TRIP11: variants seen among roughly 807,000 people sequenced by gnomAD.
TRIP11 encodes the protein thyroid receptor-interacting protein 11.
TRIP11 carries 148 observed loss-of-function variants against 223.1 expected under a neutral mutation model. The observed-to-expected ratio is 0.66, with a 90% CI of 0.58 to 0.76. The LOEUF (loss-of-function observed/expected upper bound fraction) is 0.76, where lower values mean the gene tolerates loss of function less well. Among genes scored for constraint, TRIP11 ranks in the 30% least tolerant of loss-of-function variants. The pLI is 0.00. For synonymous variants in TRIP11, 762 were observed against 772.6 expected, an observed-to-expected ratio of 0.99 and a Z score of 0.23; for missense variants, 2,043 against 2,222.0, an observed-to-expected ratio of 0.92 and a Z score of 1.62.
At position 92,021,697 on chromosome 14, in the gene TRIP11, C is replaced by T. The variant is rs1456816695; in HGVS notation, c.447G>A (p.Gly149=). 2 of 1,612,456 alleles carry T rather than the reference C, an allele frequency of 1.2e-6. No homozygotes were observed. Among genetic ancestry groups the T allele is most frequent in the African/African-American group, 1.3e-5 (1 of 74,904 alleles). Residue 149 remains glycine (G), a synonymous_variant, in exon 4 of 21, where the codon GGG becomes GGA. Transcript: ENST00000267622. ...ATTASSSFAY[G]ISHHPSAFHD... is the part of the protein sequence containing the mutation. Reference sequence around the variant, plus strand: ...GGAAAGCTGAAGGATGATGACTAATCCCATAAGCGAATGAAGATGATGCAG... The same window carrying T: ...GGAAAGCTGAAGGATGATGACTAATTCCATAAGCGAATGAAGATGATGCAG...
chr14:92,012,278 T>C (rs1183136475), intron 7 of TRIP11, among the ~76,000 whole-genome samples: 1 of 152,200 alleles, frequency 6.6e-6, no homozygotes, highest in Non-Finnish European at 1.5e-5. Context: ...AATTTGGTAT[T>C]ATAGATAGAT....
chr14:91,980,985 G>C (rs2056530744), intron 16 of TRIP11, among the ~76,000 whole-genome samples: 1 of 117,926 alleles, frequency 8.5e-6, no homozygotes, highest in Non-Finnish European at 1.7e-5. Flanking sequence ...AATTTTATAT[G>C]TATATTATAT....
intron 7 of TRIP11, among the ~76,000 whole-genome samples, chr14:92,013,665 T>C (rs17733979): frequency 0.23 from 34,843 of 152,176 alleles, 4,095 homozygotes; most frequent in East Asian, 0.34. Context: ...CCCAATATGA[T>C]AAGTAAGTAA....
chr14:92,028,046 T>C (rs1480909154), intron 2 of TRIP11, among the ~76,000 whole-genome samples: 1 of 152,264 alleles, frequency 6.6e-6, no homozygotes, highest in Non-Finnish European at 1.5e-5. Context: ...CATGACTTTC[T>C]GTAAGCTGTT....
intron 14 of TRIP11, among the ~76,000 whole-genome samples, chr14:91,994,230 C>T (rs1351033883): frequency 2.0e-5 from 3 of 150,468 alleles, no homozygotes; most frequent in African/African-American, 7.3e-5. Flanking sequence ...CTAATAATTA[C>T]ATTATACTGT....
At position 92,005,866 on chromosome 14, in the gene TRIP11, A is replaced by C. The variant is rs2056894726; in HGVS notation, c.2110T>G (p.Ser704Ala). ...EECLAGNNQL[S>A]LEKNTIVETL... ...TCCACAATAGTGTTTTTTTCCAGAGAAAGCTGATTGTTACCAGCAAGACAT... is the reference window on the plus strand; with the variant it reads ...TCCACAATAGTGTTTTTTTCCAGAGCAAGCTGATTGTTACCAGCAAGACAT... The change falls in exon 11 of 21, where the codon TCT becomes GCT. Residue 704 changes from serine (S) to alanine (A), a missense_variant. Physicochemically the swap from Ser to Ala is moderately conservative, Grantham distance 99 (BLOSUM62 1). Coordinates refer to ENST00000267622, the MANE Select transcript of TRIP11 (RefSeq NM_004239.4). The C allele has an allele frequency of 6.2e-7, 1 of 1,614,036 alleles. No individual in the cohort carries two copies. The highest frequency in any genetic ancestry group is 8.5e-7 in the Non-Finnish European group (1 of 1,180,006).
chr14:92,025,543 G>A (rs1342074696), intron 2 of TRIP11, 123 bp from the exon 3 acceptor site: 12 of 698,608 alleles, frequency 1.7e-5, no homozygotes, highest in East Asian at 2.8e-5. Flanking sequence ...AAAAGGTCTC[G>A]GACAGAATTC....
intron 7 of TRIP11, among the ~76,000 whole-genome samples, chr14:92,013,677 T>C (rs1223330492): frequency 6.6e-6 from 1 of 152,378 alleles, no homozygotes; most frequent in South Asian, 2.1e-4. Context: ...AGTAAGTAAA[T>C]GTATTAGTCT....
chr14:92,021,520 CAA>C, intron 4 of TRIP11, 34 bp downstream of exon 4: 1 of 1,610,316 alleles, frequency 6.2e-7, no homozygotes. Flanking sequence ...TAATTTTACT[CAA>C]AGTTTTCAAA....
At position 92,038,687 on chromosome 14, in the gene TRIP11, T is replaced by C. The variant is rs184457061; in HGVS notation, c.139+860A>G. Among the ~76,000 whole-genome samples, 38 of 152,102 alleles carry C rather than the reference T, an allele frequency of 2.5e-4. No homozygotes were observed. In the South Asian group the frequency reaches 3.5e-3, roughly 14 times the overall value. ...TTAAATTTATTTATAAGAAATACAATTGTCAAAGCAGCAGCTCTCACCCAA... is the reference window on the plus strand; with the variant it reads ...TTAAATTTATTTATAAGAAATACAACTGTCAAAGCAGCAGCTCTCACCCAA... On this transcript the variant is annotated intron_variant, in intron 1 of 20. Coordinates refer to ENST00000267622, the MANE Select transcript of TRIP11 (RefSeq NM_004239.4).
chr14:92,003,355 A>G, intron 11 of TRIP11, 64 bp downstream of exon 11: 2 of 1,589,566 alleles, frequency 1.3e-6, no homozygotes, highest in Non-Finnish European at 1.7e-6. Context: ...TATAAATGAA[A>G]TAACATTAAA....
intron 13 of TRIP11, among the ~76,000 whole-genome samples, 163 bp from the exon 14 acceptor site, chr14:91,995,678 CA>C (rs1464312887): frequency 6.6e-6 from 1 of 150,928 alleles, no homozygotes; most frequent in East Asian, 1.9e-4. Context: ...TGCAGTGGCA[CA>C]ATCTCAGCTC....
rs372272441 is a variant in TRIP11 at position 92,003,533 on chromosome 14, C to T, written c.4443G>A (p.Ala1481=). 1.2e-4 allele frequency: 201 copies of T among 1,613,924 alleles called. 1 individual carries two copies. The highest frequency in any genetic ancestry group is 2.0e-4 in the South Asian group (18 of 91,086). ...AAAACTTCATGTTAGTCTCTTGTAA[C>T]GCTTGATATTCTGTTTCCTTTCCCC... ...TYRGKETEYQ[A]LQETNMKFSM... The change falls in exon 11 of 21, where the codon GCG becomes GCA. Residue 1481 remains alanine (A), a synonymous_variant. Transcript: ENST00000267622.
Position 92,007,781 on chromosome 14 carries a change from G to C in TRIP11, c.1386C>G (p.Asp462Glu), listed in dbSNP as rs773296347. The change falls in exon 10 of 21, where the codon GAC becomes GAG. Residue 462 changes from aspartate to glutamate, a missense_variant. Transcript: ENST00000267622. ...CATGTAATTCTGAATCCAAACTTAT[G>C]TCTCTTGTAGCTGTACTTTTAATTA... ...YEVIKSTATR[D>E]ISLDSELHDL... The C allele has an allele frequency of 3.2e-5, 51 of 1,613,428 alleles. No homozygotes were observed. Among genetic ancestry groups the C allele is most frequent in the Non-Finnish European group, 3.8e-5 (45 of 1,179,906 alleles).
intron 2 of TRIP11, among the ~76,000 whole-genome samples, chr14:92,025,721 C>CA (rs1328715071): frequency 3.3e-5 from 5 of 150,590 alleles, no homozygotes; most frequent in East Asian, 1.9e-4. Flanking sequence ...TACTAAAATA[C>CA]AAAAAAAAAT....
At chr14:91,971,505 G>GGGAAAGGTA (rs2056400058) in intron 20 of TRIP11, among the ~76,000 whole-genome samples, 1 of 150,774 alleles carries the variant, frequency 6.6e-6, no homozygotes, top group African/African-American at 2.5e-5. Flanking sequence ...TACAAGAAAG[G>GGGAAAGGTA]GGAAAGGTAG....
chr14:91,981,012 ATTTTTTTTTTTTT>A (rs564098716), intron 16 of TRIP11, among the ~76,000 whole-genome samples: 1,039 of 49,932 alleles, frequency 0.021, 15 homozygotes, highest in African/African-American at 0.064. Context: ...ATATATATAT[ATTTTTTTTTTTTT>A]TTTTTTTTTT....
rs2056976432 is a variant in TRIP11 at position 92,011,750 on chromosome 14, T to G, written c.1227+5A>C. 2 of 1,610,958 alleles carry G rather than the reference T, an allele frequency of 1.2e-6. No individual in the cohort carries two copies. Among genetic ancestry groups the G allele is most frequent in the Non-Finnish European group, 1.7e-6 (2 of 1,178,764 alleles). Reference sequence around the variant, plus strand: ...TGCACATAACATTTGTCAAAATTAATTTACCTGGTTTAAACTACTCAATCT... The same window carrying G: ...TGCACATAACATTTGTCAAAATTAAGTTACCTGGTTTAAACTACTCAATCT... On this transcript the variant is annotated splice_donor_5th_base_variant and intron_variant, in intron 8 of 20. Transcript: ENST00000267622.
chr14:91,997,018 T>G (rs1185381929), intron 13 of TRIP11, among the ~76,000 whole-genome samples: 1 of 152,166 alleles, frequency 6.6e-6, no homozygotes, highest in Non-Finnish European at 1.5e-5. Context: ...CTCATTAGGA[T>G]CAACTCATTT....
Sources: allele counts gnomAD v4.1 joint callset (sites outside exome capture counted in the v4.1 genomes callset), GRCh38; gene constraint gnomAD v4.1.1; transcripts MANE v1.5; gene names NCBI Gene and HGNC (gene_info 2026-07-23, HGNC 2026-07-21).